The following CTNNA2 variants were observed in gnomAD, a reference collection of about 807,000 sequenced individuals.
CTNNA2 encodes the protein catenin alpha-2.
A neutral mutation model predicts 101.0 loss-of-function variants in CTNNA2; 42 were observed. That is an observed-to-expected ratio of 0.42 (90% confidence interval 0.32 to 0.54). The LOEUF is 0.54. Among genes scored for constraint, CTNNA2 ranks in the 20% least tolerant of loss-of-function variants. The probability of loss-of-function intolerance (pLI) is 0.14; values close to 1 mark genes in which losing one functional copy is unlikely to be tolerated. For synonymous variants in CTNNA2, 450 were observed against 456.4 expected, an observed-to-expected ratio of 0.99 and a Z score of 0.18; for missense variants, 871 against 1,223.1, an observed-to-expected ratio of 0.71 and a Z score of 4.29.
intron 2 of CTNNA2, among the ~76,000 whole-genome samples, chr2:79,199,690 A>C (rs1674007393): frequency 6.6e-6 from 1 of 152,092 alleles, no homozygotes; most frequent in South Asian, 2.1e-4. Context: ...AACAACAGAG[A>C]TTTACTTCTC....
intron 2 of CTNNA2, among the ~76,000 whole-genome samples, chr2:79,256,753 A>C (rs987216883): frequency 1.6e-4 from 24 of 152,188 alleles, no homozygotes; most frequent in African/African-American, 5.3e-4. Flanking sequence ...GTCACTGCCC[A>C]GTTCTTCAAT....
chr2:79,285,261 T>C (rs2104352782), intron 2 of CTNNA2, among the ~76,000 whole-genome samples: 1 of 150,722 alleles, frequency 6.6e-6, no homozygotes, highest in South Asian at 2.1e-4. Flanking sequence ...CCTTCAGTTC[T>C]GCTCTGATTT....
Position 79,982,220 on chromosome 2 carries a change from A to ATATATGTATG in CTNNA2, c.1056+72428_1056+72429insGTATGTATAT, listed in dbSNP as rs1376920306. Among the ~76,000 whole-genome samples, 3 of 41,846 alleles carry ATATATGTATG rather than the reference A, an allele frequency of 7.2e-5. 1 individual carries two copies. Among genetic ancestry groups the ATATATGTATG allele is most frequent in the South Asian group, 1.5e-3 (2 of 1,354 alleles). 27.5% of individuals were successfully genotyped at this position (41,846 alleles called of 152,430 possible). A position where few individuals can be genotyped will look rare whatever the true frequency, so the allele number is the denominator to read the frequency against. On this transcript the variant is annotated intron_variant, in intron 7 of 18. Coordinates refer to ENST00000402739, the MANE Select transcript of CTNNA2 (RefSeq NM_001282597.3). ...TATATATATATATATATATATATAT[A>ATATATGTATG]TATATATATATATATATATATGTAT...
At chr2:79,273,029 A>G (rs1675124485) in intron 2 of CTNNA2, among the ~76,000 whole-genome samples, 2 of 152,094 alleles carry the variant, frequency 1.3e-5, no homozygotes, top group South Asian at 4.1e-4. Flanking sequence ...GCAGTGCCAT[A>G]TCAAGGTACA....
chr2:79,731,846 T>G (rs1455556724), intron 2 of CTNNA2, among the ~76,000 whole-genome samples: 1 of 151,798 alleles, frequency 6.6e-6, no homozygotes, highest in Non-Finnish European at 1.5e-5. Context: ...TTGTTTTTTT[T>G]TTTTACCATC....
chr2:80,093,159 C>T (rs1182904522), intron 7 of CTNNA2, among the ~76,000 whole-genome samples: 4 of 152,000 alleles, frequency 2.6e-5, no homozygotes, highest in Non-Finnish European at 5.9e-5. Context: ...CCCTGCTCCC[C>T]CAACCCCACA....
intron 7 of CTNNA2, among the ~76,000 whole-genome samples, chr2:79,964,229 G>A (rs1030283032): frequency 3.9e-5 from 6 of 152,092 alleles, no homozygotes; most frequent in African/African-American, 9.7e-5. Flanking sequence ...TGTCCTGACC[G>A]GTGTCAGAAT....
At chr2:80,043,093 TTCTCTC>T (rs201701924) in intron 7 of CTNNA2, among the ~76,000 whole-genome samples, 1,792 of 32,560 alleles carry the variant, frequency 0.055, 109 homozygotes, top group African/African-American at 0.17. Context: ...CTTTCTTTCT[TTCTCTC>T]TCTCTCTCTC....
In CTNNA2 at chr2:80,514,494, C is replaced by T. The variant is rs1000082781; in HGVS notation, c.1291-30488C>T. The stretch of plus-strand genomic sequence containing the variant: ...ACAGCCTTTTCTGGGTACCCACACT[C>T]GGTAAGTCCCAAGCTCTTGTCTGGT... On this transcript the variant is annotated intron_variant, in intron 9 of 18. Coordinates refer to ENST00000402739, the MANE Select transcript of CTNNA2 (RefSeq NM_001282597.3). Among the ~76,000 whole-genome samples the T allele has an allele frequency of 2.0e-5, 3 of 152,132 alleles. No homozygotes were observed. The South Asian group carries it at 6.2e-4, about 32-fold the overall frequency.
intron 7 of CTNNA2, among the ~76,000 whole-genome samples, chr2:80,016,401 A>C (rs911258172): frequency 6.6e-6 from 1 of 152,138 alleles, no homozygotes; most frequent in African/African-American, 2.4e-5. Flanking sequence ...CTTCTTGGCT[A>C]TGGAGACGAG....
rs540660391 is a variant in CTNNA2 at position 79,396,371 on chromosome 2, C to G, written c.-135+22358C>G. Among the ~76,000 whole-genome samples, 270 of 152,164 alleles carry G rather than the reference C, an allele frequency of 1.8e-3. 1 individual carries two copies. The highest frequency in any genetic ancestry group is 6.1e-3 in the African/African-American group (253 of 41,550). ...ACGGGATTTCACTATGTTGGCCAAG[C>G]TGGTCTCGAACTCCTGACCTCAGGC... On this transcript the variant is annotated intron_variant, in intron 4 of 21. Transcript: ENST00000466387.
At chr2:80,428,867 G>T (rs1681229581) in intron 9 of CTNNA2, among the ~76,000 whole-genome samples, 1 of 152,000 alleles carries the variant, frequency 6.6e-6, no homozygotes, top group Admixed American at 6.6e-5. Flanking sequence ...TACATTGATG[G>T]AATTGGACCT....
intron 7 of CTNNA2, among the ~76,000 whole-genome samples, chr2:80,189,593 G>A (rs1558887087): frequency 6.6e-6 from 1 of 152,222 alleles, no homozygotes; most frequent in South Asian, 2.1e-4. Context: ...TTTTCCTAAG[G>A]GAGCAAAGAG....
chr2:79,549,381 G>C (rs1252628713), intron 1 of CTNNA2, among the ~76,000 whole-genome samples: 1 of 152,124 alleles, frequency 6.6e-6, no homozygotes, highest in Non-Finnish European at 1.5e-5. Flanking sequence ...TTGCTCATCT[G>C]GTCCAATTAA....
intron 15 of CTNNA2, among the ~76,000 whole-genome samples, chr2:80,597,656 G>C (rs1697103597): frequency 6.6e-6 from 1 of 152,076 alleles, no homozygotes; most frequent in Admixed American, 6.6e-5. Flanking sequence ...CAAAAAGTGG[G>C]CAAAGGATAT....
intron 2 of CTNNA2, among the ~76,000 whole-genome samples, chr2:79,702,797 T>C (rs1487838054): frequency 1.3e-5 from 2 of 152,180 alleles, no homozygotes; most frequent in African/African-American, 4.8e-5. Context: ...ACTAGTTTCC[T>C]GTTGAAAGTG....
At chr2:79,247,446 G>A (rs555672753) in intron 2 of CTNNA2, among the ~76,000 whole-genome samples, 1 of 152,132 alleles carries the variant, frequency 6.6e-6, no homozygotes, top group Non-Finnish European at 1.5e-5. Flanking sequence ...CTTCATCAGG[G>A]CACTTATTTT....
rs546082028 is a variant in CTNNA2, at chr2:79,288,450, T to C, written c.-405-24259T>C. 1.4e-3 allele frequency among the ~76,000 whole-genome samples: 215 copies of C among 152,330 alleles called. 2 individuals are homozygous for C. The highest frequency in any genetic ancestry group is 3.9e-3 in the African/African-American group (163 of 41,570). ...ATCTTCGCTTGGAGTCTCTCATTGATGGAATTCAGGTAACTGCTGTAGCTG... is the reference window on the plus strand; with the variant it reads ...ATCTTCGCTTGGAGTCTCTCATTGACGGAATTCAGGTAACTGCTGTAGCTG... On this transcript the variant is annotated intron_variant, in intron 2 of 21. Transcript: ENST00000466387.
chr2:80,398,972 G>T (rs975539380), intron 8 of CTNNA2, among the ~76,000 whole-genome samples: 1 of 150,454 alleles, frequency 6.6e-6, no homozygotes, highest in Non-Finnish European at 1.5e-5. Context: ...GCAATGGTGC[G>T]ATCTCAACTC....
Sources: allele counts gnomAD v4.1 joint callset (sites outside exome capture counted in the v4.1 genomes callset), GRCh38; gene constraint gnomAD v4.1.1; transcripts MANE v1.5; gene names NCBI Gene and HGNC (gene_info 2026-07-23, HGNC 2026-07-21).